DACH2: variants seen among roughly 807,000 people sequenced by gnomAD.
The protein encoded by DACH2 is dachshund homolog 2.
Under a neutral mutation model 35.8 loss-of-function variants are expected in DACH2, and 17 were observed. The observed-to-expected ratio is 0.48, with a 90% CI of 0.33 to 0.71. The LOEUF (loss-of-function observed/expected upper bound fraction) is 0.71. Ranked by LOEUF, DACH2 falls within the 30% of genes least tolerant of loss-of-function variation. The pLI, the probability that DACH2 is intolerant of heterozygous loss-of-function variation, is 0.02. For synonymous variants in DACH2, 195 were observed against 177.3 expected, an observed-to-expected ratio of 1.10 and a Z score of -0.79; for missense variants, 469 against 472.7, an observed-to-expected ratio of 0.99 and a Z score of 0.07.
chrX:86,349,471 G>C (rs988650279), intron 1 of DACH2, among the ~76,000 whole-genome samples: 2 of 111,958 alleles, frequency 1.8e-5, no homozygotes, highest in Admixed American at 1.9e-4. Context: ...CTTTGGGTGC[G>C]AAAACAGGAG....
At chrX:86,170,142 C>T (rs1225801494) in intron 1 of DACH2, among the ~76,000 whole-genome samples, 6 of 111,508 alleles carry the variant, frequency 5.4e-5, no homozygotes, top group Non-Finnish European at 9.4e-5. Flanking sequence ...TTCTGGATTA[C>T]CAGGCACAGA....
chrX:86,767,771 A>G (rs1179453209), intron 7 of DACH2, among the ~76,000 whole-genome samples: 1 of 111,745 alleles, frequency 8.9e-6, no homozygotes, highest in Non-Finnish European at 1.9e-5. Context: ...GAGAAGAGAA[A>G]GGTTATTGGA....
At chrX:86,542,548 C>T (rs770892077) in intron 3 of DACH2, among the ~76,000 whole-genome samples, 1 of 111,504 alleles carries the variant, frequency 9.0e-6, no homozygotes, top group Admixed American at 9.6e-5. Flanking sequence ...AGAGTAGATG[C>T]CTGTGCCATG....
intron 7 of DACH2, among the ~76,000 whole-genome samples, chrX:86,779,794 T>C (rs1415196905): frequency 8.9e-6 from 1 of 112,028 alleles, no homozygotes; most frequent in African/African-American, 3.2e-5. Context: ...AAGATGAGGT[T>C]GGCTCCAAAG....
At chrX:86,655,539 A>G (rs1965177487) in intron 4 of DACH2, among the ~76,000 whole-genome samples, 1 of 112,159 alleles carries the variant, frequency 8.9e-6, no homozygotes, top group Admixed American at 9.5e-5. Flanking sequence ...GCTAGTGACT[A>G]TTTCTAAACC....
chrX:86,161,381 T>C, intron 1 of DACH2: 4 of 930,066 alleles, frequency 4.3e-6, no homozygotes, highest in Non-Finnish European at 5.7e-6. Context: ...TCATTACAGG[T>C]GTTAGCAGAT....
intron 11 of DACH2, chrX:86,829,868 T>TTAAG (rs1409646790): frequency 8.9e-6 from 1 of 112,142 alleles, no homozygotes; most frequent in Non-Finnish European, 1.9e-5. Flanking sequence ...GTCCCTCTTT[T>TTAAG]TAAGTTCTCA....
chrX:86,295,548 A>G (rs896314849), intron 1 of DACH2, among the ~76,000 whole-genome samples: 4 of 111,323 alleles, frequency 3.6e-5, no homozygotes, highest in Non-Finnish European at 7.5e-5. Context: ...GCGGCCCCAG[A>G]ACACTTTAGC....
intron 6 of DACH2, among the ~76,000 whole-genome samples, chrX:86,722,602 C>T (rs2041420037): frequency 2.7e-5 from 3 of 110,753 alleles, no homozygotes; most frequent in African/African-American, 9.9e-5. Flanking sequence ...ACCTCAAGCC[C>T]TTCTTTCAAC....
In DACH2 at chrX:86,813,195, G is replaced by T. The variant is rs1012029842; in HGVS notation, c.1455G>T (p.Lys485Asn). Residue 485 changes from lysine (K) to asparagine (N), a missense_variant, in exon 9 of 12, where the codon AAG becomes AAT. Transcript: ENST00000373125. Reference sequence around the variant, plus strand: ...AGAAGCAGATTCAACAAGAAAAGAAGGAGCTGCGACTGGAGCTCTATAGAG... The same window carrying T: ...AGAAGCAGATTCAACAAGAAAAGAATGAGCTGCGACTGGAGCTCTATAGAG... ...IQEKQIQQEK[K>N]ELRLELYRER... is the part of the protein sequence containing the mutation. 3 of 1,207,141 alleles carry T rather than the reference G, an allele frequency of 2.5e-6. No individual in the cohort carries two copies. The East Asian group carries it at 8.9e-5, about 36-fold the overall frequency.
intron 1 of DACH2, among the ~76,000 whole-genome samples, chrX:86,337,902 G>C (rs987977464): frequency 3.8e-5 from 4 of 106,649 alleles, no homozygotes; most frequent in African/African-American, 1.5e-4. Flanking sequence ...AAAAAATCAG[G>C]GGTTGCAGAC....
intron 2 of DACH2, among the ~76,000 whole-genome samples, chrX:86,396,385 T>G (rs1220532582): frequency 9.6e-5 from 9 of 94,194 alleles, no homozygotes; most frequent in African/African-American, 3.3e-4. Context: ...AGAAGCTCTT[T>G]AGTTTAATTA....
At chrX:86,226,812 A>G (rs761987620) in intron 1 of DACH2, among the ~76,000 whole-genome samples, 7 of 111,414 alleles carry the variant, frequency 6.3e-5, no homozygotes, top group Non-Finnish European at 1.3e-4. Flanking sequence ...GTGTGTGAAA[A>G]AATTTGCATA....
intron 6 of DACH2, among the ~76,000 whole-genome samples, chrX:86,738,412 A>C (rs774197955): frequency 8.9e-6 from 1 of 112,376 alleles, no homozygotes; most frequent in South Asian, 3.7e-4. Flanking sequence ...ATGTACAAGC[A>C]CATATTCGAC....
chrX:86,157,215 A>G lies in DACH2; in HGVS notation c.488+8107A>G, dbSNP rs73236808. 8.1e-4 allele frequency among the ~76,000 whole-genome samples: 91 copies of G among 111,792 alleles called. 1 individual carries two copies. Among genetic ancestry groups the G allele is most frequent in the South Asian group, 7.0e-3 (19 of 2,698 alleles). ...TATATAATATTTTTATTTTTAAACA[A>G]ATTGACTGTTTAATGGTGTGTAATG... On this transcript the variant is annotated intron_variant, in intron 1 of 11. Transcript: ENST00000373125.
intron 7 of DACH2, among the ~76,000 whole-genome samples, chrX:86,750,839 A>G (rs1326434630): frequency 2.7e-5 from 3 of 111,434 alleles, no homozygotes; most frequent in Non-Finnish European, 5.7e-5. Context: ...AATTTCATCC[A>G]TAAGTTGGCA....
Position 86,832,576 on chromosome X carries a change from A to C in DACH2, c.*421A>C, listed in dbSNP as rs2042624230. 1 of 118,436 alleles carries C rather than the reference A, an allele frequency of 8.4e-6. No individual in the cohort carries two copies. 9.8% of individuals were successfully genotyped at this position (118,436 alleles called of 1,213,427 possible). A position where few individuals can be genotyped will look rare whatever the true frequency, so the allele number is the denominator to read the frequency against. On this transcript the variant is annotated 3_prime_UTR_variant, in exon 12 of 12. Transcript: ENST00000373125. ...GTTAAAAATGTACTTGCTAAACTTC[A>C]GCGTAAATAAAAACATTTTGACTTT...
At chrX:86,496,305 A>G in intron 2 of DACH2, among the ~76,000 whole-genome samples, 1 of 111,434 alleles carries the variant, frequency 9.0e-6, no homozygotes, top group East Asian at 2.8e-4. Context: ...TTTTTATATC[A>G]GTATCCTTAG....
At chrX:86,225,632 G>A (rs765719762) in intron 1 of DACH2, among the ~76,000 whole-genome samples, 21 of 111,008 alleles carry the variant, frequency 1.9e-4, no homozygotes, top group Admixed American at 5.8e-4. Flanking sequence ...CAAAACATAT[G>A]AAAGGGAGAG....
Sources: allele counts gnomAD v4.1 joint callset (sites outside exome capture counted in the v4.1 genomes callset), GRCh38; gene constraint gnomAD v4.1.1; transcripts MANE v1.5; gene names NCBI Gene and HGNC (gene_info 2026-07-23, HGNC 2026-07-21).